Variants in SH3RF3 observed in about 807,000 individuals in gnomAD.
The protein encoded by SH3RF3 is E3 ubiquitin-protein ligase SH3RF3.
SH3RF3 carries 29 observed loss-of-function variants against 66.3 expected under a neutral mutation model. That is an observed-to-expected ratio of 0.44 (90% CI 0.33 to 0.60). The LOEUF is 0.60. Ranked by LOEUF, SH3RF3 falls within the 20% of genes least tolerant of loss-of-function variation. The probability of loss-of-function intolerance (pLI) is 0.04; values close to 1 mark genes in which losing one functional copy is unlikely to be tolerated. For missense variants in SH3RF3, 1,194 were observed against 1,190.9 expected, an observed-to-expected ratio of 1.00 and a Z score of -0.04; for synonymous variants, 583 against 532.0, an observed-to-expected ratio of 1.10 and a Z score of -1.32.
chr2:109,445,417 T>C (rs142829928), intron 7 of SH3RF3, among the ~76,000 whole-genome samples: 1 of 152,022 alleles, frequency 6.6e-6, no homozygotes, highest in East Asian at 1.9e-4. Flanking sequence ...ATAAGGAAAA[T>C]ACTACAAAAC....
chr2:109,365,960 C>A (rs951612369), intron 2 of SH3RF3, among the ~76,000 whole-genome samples: 1 of 152,146 alleles, frequency 6.6e-6, no homozygotes, highest in Non-Finnish European at 1.5e-5. Context: ...TTTAGAAGCA[C>A]AAGAAAATTA....
chr2:109,374,864 C>G lies in SH3RF3; in HGVS notation c.945+3183C>G, dbSNP rs571638576. On this transcript the variant is annotated intron_variant, in intron 3 of 9. Transcript: ENST00000309415. Reference sequence around the variant, plus strand: ...GCCTCAGCTTCCCATCAGCGCAGCTCAGGCCATGATGCTAAGCCCACGGTG... The same window carrying G: ...GCCTCAGCTTCCCATCAGCGCAGCTGAGGCCATGATGCTAAGCCCACGGTG... 3.9e-5 allele frequency among the ~76,000 whole-genome samples: 6 copies of G among 152,310 alleles called. No individual in the cohort carries two copies. In the East Asian group the frequency reaches 1.2e-3, roughly 29 times the overall value.
At chr2:109,180,257 T>C (rs1678045400) in intron 1 of SH3RF3, among the ~76,000 whole-genome samples, 1 of 152,186 alleles carries the variant, frequency 6.6e-6, no homozygotes, top group Non-Finnish European at 1.5e-5. Context: ...CTCCTTCCTT[T>C]GCCCACAATC....
chr2:109,443,675 A>AG (rs1446956782), intron 7 of SH3RF3, among the ~76,000 whole-genome samples: 1 of 152,228 alleles, frequency 6.6e-6, no homozygotes, highest in African/African-American at 2.4e-5. Context: ...GTAACAATAA[A>AG]GGGGTCAGTT....
chr2:109,320,608 T>C (rs1459753916), intron 1 of SH3RF3, among the ~76,000 whole-genome samples: 1 of 152,238 alleles, frequency 6.6e-6, no homozygotes, highest in Non-Finnish European at 1.5e-5. Flanking sequence ...CTCTGCTTAC[T>C]AGGTCACCAA....
chr2:109,152,731 A>T lies in SH3RF3; in HGVS notation c.573+22618A>T, dbSNP rs578104516. ...AATTCAATTAATGGGTTCCAACTTGAGTAGGCATGGGCAGAGGGGCGGGGG... is the reference window on the plus strand; with the variant it reads ...AATTCAATTAATGGGTTCCAACTTGTGTAGGCATGGGCAGAGGGGCGGGGG... On this transcript the variant is annotated intron_variant, in intron 1 of 9. Transcript: ENST00000309415. Among the ~76,000 whole-genome samples the T allele has an allele frequency of 7.9e-5, 12 of 152,178 alleles. No homozygotes were observed. The East Asian group carries it at 2.3e-3, about 29-fold the overall frequency.
intron 1 of SH3RF3, among the ~76,000 whole-genome samples, chr2:109,223,351 G>A (rs373050336): frequency 1.4e-4 from 22 of 152,204 alleles, no homozygotes; most frequent in African/African-American, 4.1e-4. Context: ...CAAGAGGGGC[G>A]TTCTGAAGCC....
chr2:109,323,507 T>A (rs1034779080), intron 1 of SH3RF3, among the ~76,000 whole-genome samples: 1 of 152,254 alleles, frequency 6.6e-6, no homozygotes, highest in African/African-American at 2.4e-5. Flanking sequence ...GGTAGCATGC[T>A]GTCCCTCTCC....
chr2:109,222,120 T>G (rs535750807), intron 1 of SH3RF3, among the ~76,000 whole-genome samples: 231 of 152,126 alleles, frequency 1.5e-3, no homozygotes, highest in African/African-American at 5.4e-3. Context: ...TTGGACGATC[T>G]CACTCATATG....
chr2:109,327,111 G>C (rs1188608669), intron 1 of SH3RF3, among the ~76,000 whole-genome samples: 1 of 152,068 alleles, frequency 6.6e-6, no homozygotes, highest in East Asian at 1.9e-4. Flanking sequence ...TCAGTGTTTT[G>C]TGTCTTATTT....
At chr2:109,210,171 A>G (rs1444416742) in intron 1 of SH3RF3, among the ~76,000 whole-genome samples, 1 of 152,178 alleles carries the variant, frequency 6.6e-6, no homozygotes, top group African/African-American at 2.4e-5. Context: ...ATTCCATTGT[A>G]TGGCTAGACC....
At chr2:109,296,153 T>A (rs1390672480) in intron 1 of SH3RF3, among the ~76,000 whole-genome samples, 1 of 152,078 alleles carries the variant, frequency 6.6e-6, no homozygotes, top group African/African-American at 2.4e-5. Context: ...ACCCCGCCCA[T>A]GTCAGCATTA....
chr2:109,261,589 G>A (rs912598499), intron 1 of SH3RF3, among the ~76,000 whole-genome samples: 4 of 152,184 alleles, frequency 2.6e-5, no homozygotes, highest in African/African-American at 9.7e-5. Flanking sequence ...GGTGTGCCCA[G>A]AAAGAAGTGG....
rs868575876 is a variant in SH3RF3 at position 109,405,572 on chromosome 2, C to T, written c.1299+6629C>T. 3.3e-5 allele frequency among the ~76,000 whole-genome samples: 5 copies of T among 152,340 alleles called. 2 individuals carry two copies. In the Middle Eastern group the frequency reaches 0.01, roughly 311 times the overall value. On this transcript the variant is annotated intron_variant, in intron 4 of 9. Coordinates refer to ENST00000309415, the MANE Select transcript of SH3RF3 (RefSeq NM_001099289.3). ...CTAATCCCTTCCCACCTGCCCATGT[C>T]CCTTTTGCTGCCCCTCAGCATGGCA...
chr2:109,215,138 A>G (rs1245111309), intron 1 of SH3RF3, among the ~76,000 whole-genome samples: 3 of 152,178 alleles, frequency 2.0e-5, no homozygotes, highest in South Asian at 2.1e-4. Flanking sequence ...TTAAGCATCT[A>G]CGTGTCTTTC....
intron 1 of SH3RF3, among the ~76,000 whole-genome samples, chr2:109,153,923 A>G (rs1412466818): frequency 2.6e-5 from 4 of 152,222 alleles, no homozygotes; most frequent in Non-Finnish European, 5.9e-5. Flanking sequence ...GGACAAAATG[A>G]AGTGCAATTA....
chr2:109,219,256 C>A (rs1488736127), intron 1 of SH3RF3, among the ~76,000 whole-genome samples: 1 of 152,050 alleles, frequency 6.6e-6, no homozygotes, highest in Non-Finnish European at 1.5e-5. Flanking sequence ...ACCGTTTTTG[C>A]TCAGCACTTT....
At chr2:109,162,390 C>T (rs1407252884) in intron 1 of SH3RF3, among the ~76,000 whole-genome samples, 1 of 152,054 alleles carries the variant, frequency 6.6e-6, no homozygotes, top group African/African-American at 2.4e-5. Flanking sequence ...GCTCCTCAAC[C>T]TTTTTTAAAT....
chr2:109,349,849 G>T (rs536742143), intron 2 of SH3RF3, among the ~76,000 whole-genome samples: 82 of 152,372 alleles, frequency 5.4e-4, no homozygotes, highest in African/African-American at 1.9e-3. Flanking sequence ...TGCCCAGGAT[G>T]TGCAACCCCA....
Sources: allele counts gnomAD v4.1 joint callset (sites outside exome capture counted in the v4.1 genomes callset), GRCh38; gene constraint gnomAD v4.1.1; transcripts MANE v1.5; gene names NCBI Gene and HGNC (gene_info 2026-07-23, HGNC 2026-07-21).